Variants in BRINP3 observed in about 807,000 individuals in gnomAD.
The protein encoded by BRINP3 is BMP/retinoic acid-inducible neural-specific protein 3.
A neutral mutation model predicts 71.0 loss-of-function variants in BRINP3; 19 were observed. The ratio of observed to expected loss-of-function variants is 0.27; its 90% CI spans 0.19 to 0.39. The LOEUF (loss-of-function observed/expected upper bound fraction) is 0.39. Ranked by LOEUF, BRINP3 falls within the 10% of genes least tolerant of loss-of-function variation. The probability of loss-of-function intolerance (pLI) is 1.00; values close to 1 mark genes in which losing one functional copy is unlikely to be tolerated. For synonymous variants in BRINP3, 380 were observed against 337.7 expected (o/e 1.13, Z -1.37); for missense variants, 959 against 940.8 (o/e 1.02, Z -0.25).
chr1:190,282,572 A>T (rs1183028145), intron 2 of BRINP3, among the ~76,000 whole-genome samples: 2 of 152,024 alleles, frequency 1.3e-5, no homozygotes, highest in Non-Finnish European at 2.9e-5. Flanking sequence ...GTGTTAATTC[A>T]TATTTATAAA....
chr1:190,221,407 C>T (rs1166150411), intron 6 of BRINP3, among the ~76,000 whole-genome samples: 1 of 152,018 alleles, frequency 6.6e-6, no homozygotes, highest in African/African-American at 2.4e-5. Flanking sequence ...TTGTAAGCCT[C>T]ATAACTTGAG....
intron 1 of BRINP3, among the ~76,000 whole-genome samples, chr1:190,469,418 C>T (rs1283804535): frequency 2.0e-5 from 3 of 150,852 alleles, no homozygotes; most frequent in Non-Finnish European, 4.5e-5. Flanking sequence ...TATTAACATG[C>T]TTGGCGTTAT....
chr1:190,312,165 A>C (rs1665579566), intron 2 of BRINP3, among the ~76,000 whole-genome samples: 1 of 149,278 alleles, frequency 6.7e-6, no homozygotes, highest in Non-Finnish European at 1.5e-5. Context: ...AAGTGGTGCC[A>C]AAACTCAATA....
chr1:190,354,765 CTAAG>C (rs1364748289), intron 2 of BRINP3, among the ~76,000 whole-genome samples: 1 of 149,570 alleles, frequency 6.7e-6, no homozygotes, highest in Non-Finnish European at 1.5e-5. Flanking sequence ...AAAAGGTCTT[CTAAG>C]TGTTTTTTTT....
intron 6 of BRINP3, among the ~76,000 whole-genome samples, chr1:190,169,760 A>G (rs531419462): frequency 6.6e-6 from 1 of 152,310 alleles, no homozygotes; most frequent in African/African-American, 2.4e-5. Flanking sequence ...TATAATTACT[A>G]TGAAAACAAT....
intron 5 of BRINP3, among the ~76,000 whole-genome samples, chr1:190,233,209 G>T (rs1247592734): frequency 6.6e-6 from 1 of 152,030 alleles, no homozygotes; most frequent in African/African-American, 2.4e-5. Flanking sequence ...GATGTGCGGT[G>T]TGGACAGCGA....
At chr1:190,295,533 G>A (rs868200419) in intron 2 of BRINP3, among the ~76,000 whole-genome samples, 2 of 152,162 alleles carry the variant, frequency 1.3e-5, no homozygotes, top group Non-Finnish European at 2.9e-5. Context: ...CAGCCTGCTT[G>A]CCACTGAAAT....
chr1:190,303,345 A>G (rs1664866960), intron 2 of BRINP3, among the ~76,000 whole-genome samples: 1 of 151,748 alleles, frequency 6.6e-6, no homozygotes, highest in African/African-American at 2.4e-5. Context: ...GACTATGAAG[A>G]TGAGGGTAAT....
intron 4 of BRINP3, among the ~76,000 whole-genome samples, chr1:190,245,245 C>CT (rs544846382): frequency 0.022 from 3,075 of 141,376 alleles, 70 homozygotes; most frequent in African/African-American, 0.062. Flanking sequence ...CATTTCTTTT[C>CT]TTTTTTTTTT....
chr1:190,352,927 G>C (rs940680744), intron 2 of BRINP3, among the ~76,000 whole-genome samples: 27 of 150,916 alleles, frequency 1.8e-4, no homozygotes, highest in African/African-American at 6.3e-4. Context: ...ATGAAAGTTA[G>C]AATTGTGTCT....
chr1:190,238,631 A>AT (rs1185050619), intron 4 of BRINP3, among the ~76,000 whole-genome samples: 2 of 152,170 alleles, frequency 1.3e-5, no homozygotes, highest in African/African-American at 4.8e-5. Flanking sequence ...AAGCCAGACG[A>AT]TGCCAAGTGG....
Position 190,098,850 on chromosome 1 carries a change from G to T in BRINP3, c.1469C>A (p.Thr490Asn), listed in dbSNP as rs1557963730. 2 of 1,614,196 alleles carry T rather than the reference G, an allele frequency of 1.2e-6. No individual in the cohort carries two copies. The highest frequency in any genetic ancestry group is 2.2e-5 in the South Asian group (2 of 91,092). ...TTTCATCTCGAGATCTTGCAGGTCA[G>T]TTTCAAAGCCAATATAGTGATCGGT... is the stretch of plus-strand genomic sequence containing the variant. Reference protein sequence around the residue: ...ESTDHYIGFETDLQDLEMKYL... With the variant: ...ESTDHYIGFENDLQDLEMKYL... The change falls in exon 8 of 8, where the codon ACT (threonine) becomes AAT (asparagine). Residue 490 changes from threonine (T) to asparagine (N), a missense_variant. By Grantham distance (65) the Thr-to-Asn change is moderately conservative. Coordinates refer to ENST00000367462, the MANE Select transcript of BRINP3 (RefSeq NM_199051.3).
intron 3 of BRINP3, among the ~76,000 whole-genome samples, chr1:190,277,113 A>ATATATACATATATATATT (rs746851050): frequency 9.3e-6 from 1 of 107,486 alleles, no homozygotes; most frequent in Non-Finnish European, 1.9e-5. Flanking sequence ...ATATATATAT[A>ATATATACATATATATATT]TATATTTATA....
At chr1:190,385,156 G>C (rs1256598341) in intron 2 of BRINP3, among the ~76,000 whole-genome samples, 1 of 152,044 alleles carries the variant, frequency 6.6e-6, no homozygotes, top group African/African-American at 2.4e-5. Context: ...TTACCATTCA[G>C]AACATAGGCA....
At chr1:190,323,844 G>A (rs1267612967) in intron 2 of BRINP3, among the ~76,000 whole-genome samples, 4 of 151,868 alleles carry the variant, frequency 2.6e-5, no homozygotes, top group Non-Finnish European at 5.9e-5. Context: ...TAGGAGTGAT[G>A]AGTGATAAAG....
intron 2 of BRINP3, among the ~76,000 whole-genome samples, chr1:190,444,598 G>T (rs1305220718): frequency 6.6e-6 from 1 of 151,604 alleles, no homozygotes; most frequent in African/African-American, 2.4e-5. Context: ...TCAGTGGCTC[G>T]AACTCAGCTC....
intron 6 of BRINP3, among the ~76,000 whole-genome samples, chr1:190,179,713 T>C (rs1571923086): frequency 1.3e-5 from 2 of 152,268 alleles, no homozygotes; most frequent in East Asian, 3.9e-4. Context: ...GTCTTTCCAG[T>C]AAAATGCATC....
At chr1:190,459,026 TTTAA>T (rs1171049198) in intron 1 of BRINP3, among the ~76,000 whole-genome samples, 20 of 151,556 alleles carry the variant, frequency 1.3e-4, no homozygotes, top group South Asian at 2.1e-4. Context: ...AAACATGGTG[TTTAA>T]TTAAGTATTT....
At chr1:190,178,622 CAT>C (rs1349487490) in intron 6 of BRINP3, among the ~76,000 whole-genome samples, 2 of 152,114 alleles carry the variant, frequency 1.3e-5, no homozygotes, top group African/African-American at 4.8e-5. Flanking sequence ...AGATTAATCA[CAT>C]CTCAGAGCAT....
Sources: allele counts gnomAD v4.1 joint callset (sites outside exome capture counted in the v4.1 genomes callset), GRCh38; gene constraint gnomAD v4.1.1; transcripts MANE v1.5; gene names NCBI Gene and HGNC (gene_info 2026-07-23, HGNC 2026-07-21).